The following TRDN variants were observed in gnomAD, a reference collection of about 807,000 sequenced individuals.
TRDN encodes the protein triadin, also known as triadin in skeletal muscle.
In TRDN, 161 loss-of-function variants were observed where a neutral mutation model predicts 149.7. The ratio of observed to expected loss-of-function variants is 1.08; its 90% CI spans 0.95 to 1.23. The LOEUF is 1.23. Among genes scored for constraint, TRDN ranks in the 50% most tolerant of loss-of-function variants. The pLI is 0.00. For synonymous variants in TRDN, 294 were observed against 250.5 expected, an observed-to-expected ratio of 1.17 and a Z score of -1.64; for missense variants, 896 against 823.5, an observed-to-expected ratio of 1.09 and a Z score of -1.08.
intron 2 of TRDN, among the ~76,000 whole-genome samples, chr6:123,559,085 T>C (rs1025415322): frequency 3.3e-5 from 5 of 152,258 alleles, no homozygotes; most frequent in Non-Finnish European, 7.3e-5. Flanking sequence ...TCCCAGATCT[T>C]CTTGGCTTAG....
At chr6:123,556,158 A>C (rs1781643290) in intron 2 of TRDN, among the ~76,000 whole-genome samples, 1 of 152,140 alleles carries the variant, frequency 6.6e-6, no homozygotes, top group Non-Finnish European at 1.5e-5. Context: ...TGAGGAAACC[A>C]CATTTTCATA....
chr6:123,566,053 T>A (rs560583688), intron 2 of TRDN, among the ~76,000 whole-genome samples: 1 of 152,334 alleles, frequency 6.6e-6, no homozygotes, highest in Non-Finnish European at 1.5e-5. Flanking sequence ...AATAAACCCT[T>A]ATTCTATGTA....
Position 123,395,461 on chromosome 6 carries a change from A to G in TRDN, c.1052-1784T>C, listed in dbSNP as rs939444340. Among the ~76,000 whole-genome samples the G allele has an allele frequency of 3.3e-5, 5 of 152,022 alleles. No individual in the cohort carries two copies. The South Asian group carries it at 8.3e-4, about 25-fold the overall frequency. The stretch of plus-strand genomic sequence containing the variant: ...GTCCCAACAGGCTGGTCATCTCTCA[A>G]TGGGGTTTACCTCTTTAATAACCTT... On this transcript the variant is annotated intron_variant, in intron 12 of 40. Coordinates refer to ENST00000334268, the MANE Select transcript of TRDN (RefSeq NM_006073.4).
intron 9 of TRDN, among the ~76,000 whole-genome samples, chr6:123,483,680 A>T (rs781298563): frequency 6.6e-6 from 1 of 152,148 alleles, no homozygotes; most frequent in South Asian, 2.1e-4. Context: ...TTTCTCCCAC[A>T]GCTGCCTTAT....
Position 123,217,929 on chromosome 6 carries a change from T to C in TRDN, c.*672A>G, listed in dbSNP as rs1228503144. On this transcript the variant is annotated 3_prime_UTR_variant, in exon 41 of 41. Transcript: ENST00000334268. ...TCCACTGGACTGAATGTCCTAATTATCATTCAAGACATATCTTAAAGATTT... is the reference window on the plus strand; with the variant it reads ...TCCACTGGACTGAATGTCCTAATTACCATTCAAGACATATCTTAAAGATTT... 1 of 151,928 alleles carries C rather than the reference T, an allele frequency of 6.6e-6. No individual in the cohort carries two copies. Among genetic ancestry groups the C allele is most frequent in the Non-Finnish European group, 1.5e-5 (1 of 67,912 alleles). The allele number at this position is 151,928 out of a possible 1,614,324, so 9.4% of individuals were successfully genotyped here.
intron 24 of TRDN, among the ~76,000 whole-genome samples, chr6:123,289,647 T>C (rs1052304834): frequency 2.0e-5 from 3 of 152,162 alleles, no homozygotes; most frequent in South Asian, 2.1e-4. Context: ...ACCCCTTTCA[T>C]AGAAATGTCT....
chr6:123,386,581 G>A lies in TRDN; in HGVS notation c.1135+1941C>T, dbSNP rs543433248. On this transcript the variant is annotated intron_variant, in intron 14 of 40. Coordinates refer to ENST00000334268, the MANE Select transcript of TRDN (RefSeq NM_006073.4). ...ATTCTCCCAGAACACAGAAAGACGG[G>A]AGGCTTGTAAAGACCTGCTGTGAGA... Among the ~76,000 whole-genome samples, 3 of 152,284 alleles carry A rather than the reference G, an allele frequency of 2.0e-5. No homozygotes were observed. In the South Asian group the frequency reaches 6.2e-4, roughly 32 times the overall value.
At chr6:123,261,614 C>G (rs1776774507) in intron 33 of TRDN, among the ~76,000 whole-genome samples, 1 of 151,540 alleles carries the variant, frequency 6.6e-6, no homozygotes, top group African/African-American at 2.4e-5. Flanking sequence ...TCAATGTTTT[C>G]TACAAACGTG....
rs954714094 is a variant in TRDN, at chr6:123,497,213, A to G, written c.833T>C (p.Val278Ala). 1 of 1,559,488 alleles carries G rather than the reference A, an allele frequency of 6.4e-7. No individual in the cohort carries two copies. Among genetic ancestry groups the G allele is most frequent in the Admixed American group, 2.0e-5 (1 of 50,688 alleles). Residue 278 changes from valine to alanine, a missense_variant, in exon 9 of 41, where the codon GTC (valine) becomes GCC (alanine). Physicochemically the swap from Val to Ala is moderately conservative, Grantham distance 64. Coordinates refer to ENST00000334268, the MANE Select transcript of TRDN (RefSeq NM_006073.4). ...AFCRYMIDIF[V>A]HGDLKPGQSP... is the part of the protein sequence containing the mutation. ...AATACCTGGTTTTAAATCCCCATGG[A>G]CAAATATGTCAATCATATATCGACA... is the stretch of plus-strand genomic sequence containing the variant.
chr6:123,217,523 A>G lies in TRDN; in HGVS notation c.*1078T>C, dbSNP rs899879553. On this transcript the variant is annotated 3_prime_UTR_variant, in exon 41 of 41. Coordinates refer to ENST00000334268, the MANE Select transcript of TRDN (RefSeq NM_006073.4). Reference sequence around the variant, plus strand: ...ATATTACCAGGAATATGACAAAAACATAACAGTCATTCCCAGGGATGCACT... The same window carrying G: ...ATATTACCAGGAATATGACAAAAACGTAACAGTCATTCCCAGGGATGCACT... The G allele has an allele frequency of 6.6e-6, 1 of 151,994 alleles. No individual in the cohort carries two copies. The highest frequency in any genetic ancestry group is 2.4e-5 in the African/African-American group (1 of 41,418). 9.4% of individuals were successfully genotyped at this position (151,994 alleles called of 1,614,324 possible). A position where few individuals can be genotyped will look rare whatever the true frequency, so the allele number is the denominator to read the frequency against.
At chr6:123,419,646 C>A (rs1339381500) in intron 12 of TRDN, among the ~76,000 whole-genome samples, 1 of 152,080 alleles carries the variant, frequency 6.6e-6, no homozygotes, top group Non-Finnish European at 1.5e-5. Context: ...CCACAGCACT[C>A]GCAAATACAT....
At chr6:123,296,790 T>A (rs1778218015) in intron 24 of TRDN, among the ~76,000 whole-genome samples, 1 of 152,018 alleles carries the variant, frequency 6.6e-6, no homozygotes, top group Non-Finnish European at 1.5e-5. Context: ...ATGATGTGTG[T>A]TAATATTATT....
chr6:123,569,793 A>G (rs912114732), intron 2 of TRDN, among the ~76,000 whole-genome samples: 5 of 152,170 alleles, frequency 3.3e-5, no homozygotes, highest in African/African-American at 4.8e-5. Context: ...CCAAGGGGAC[A>G]GTGCCAAACC....
intron 19 of TRDN, among the ~76,000 whole-genome samples, chr6:123,373,113 G>A (rs1233522418): frequency 1.3e-5 from 2 of 152,128 alleles, no homozygotes; most frequent in African/African-American, 2.4e-5. Flanking sequence ...ATGTTACTAT[G>A]AGACTCTATG....
In TRDN at chr6:123,360,963, C is replaced by G. The variant is rs574819582; in HGVS notation, c.1321+5172G>C. Among the ~76,000 whole-genome samples, 3 of 152,238 alleles carry G rather than the reference C, an allele frequency of 2.0e-5. No individual in the cohort carries two copies. In the South Asian group the frequency reaches 6.2e-4, roughly 32 times the overall value. On this transcript the variant is annotated intron_variant, in intron 20 of 40. Transcript: ENST00000334268. ...GATAGATGGATATGTGCCACATTTT[C>G]TTTATCCAGTCTATCATTGATGGGC...
At chr6:123,426,729 C>G (rs577997194) in intron 12 of TRDN, among the ~76,000 whole-genome samples, 119 of 152,236 alleles carry the variant, frequency 7.8e-4, no homozygotes, top group African/African-American at 2.5e-3. Context: ...GCTACTTCAT[C>G]ATTTTTGACC....
chr6:123,547,327 G>A lies in TRDN; in HGVS notation c.424+13C>T, dbSNP rs1046671673. The A allele has an allele frequency of 1.4e-5, 20 of 1,436,956 alleles. No homozygotes were observed. The highest frequency in any genetic ancestry group is 5.9e-5 in the African/African-American group (4 of 68,062). The allele number at this position is 1,436,956 out of a possible 1,614,324, so 89.0% of individuals were successfully genotyped here. On this transcript the variant is annotated intron_variant, in intron 4 of 40. Coordinates refer to ENST00000334268, the MANE Select transcript of TRDN (RefSeq NM_006073.4). The stretch of plus-strand genomic sequence containing the variant: ...GAGAAAAATAATTATTATCAAAGGT[G>A]AAAACAACTAACCTTTTTTTCTCAA...
intron 38 of TRDN, among the ~76,000 whole-genome samples, chr6:123,231,358 GT>G (rs962127889): frequency 1.5e-4 from 23 of 152,018 alleles, no homozygotes; most frequent in African/African-American, 5.3e-4. Context: ...GATCAAAGAA[GT>G]TTTTTATGGA....
intron 29 of TRDN, among the ~76,000 whole-genome samples, chr6:123,272,679 A>T (rs1389636270): frequency 2.0e-5 from 3 of 151,932 alleles, no homozygotes; most frequent in African/African-American, 7.2e-5. Context: ...AATAAAACAG[A>T]AAGTATAGAG....
Sources: allele counts gnomAD v4.1 joint callset (sites outside exome capture counted in the v4.1 genomes callset), GRCh38; gene constraint gnomAD v4.1.1; transcripts MANE v1.5; gene names NCBI Gene and HGNC (gene_info 2026-07-23, HGNC 2026-07-21).